Variants in KCNQ1 observed in about 807,000 individuals in gnomAD.
The protein encoded by KCNQ1 is potassium voltage-gated channel subfamily Q member 1.
A neutral mutation model predicts 72.4 loss-of-function variants in KCNQ1; 49 were observed. That is an observed-to-expected ratio of 0.68 (90% confidence interval 0.54 to 0.86). KCNQ1 has a LOEUF of 0.86. Ranked by LOEUF, KCNQ1 falls within the 40% of genes least tolerant of loss-of-function variation. The pLI, the probability that KCNQ1 is intolerant of heterozygous loss-of-function variation, is 0.00. For synonymous variants in KCNQ1, 450 were observed against 412.6 expected (o/e 1.09, Z -1.10); for missense variants, 790 against 945.1 (o/e 0.84, Z 2.15).
intron 2 of KCNQ1, among the ~76,000 whole-genome samples, chr11:2,539,279 A>G (rs1159102969): frequency 2.0e-5 from 3 of 152,194 alleles, no homozygotes; most frequent in Admixed American, 6.5e-5. Flanking sequence ...GAAAGACCCC[A>G]TAATGGCCAG....
Position 2,571,294 on chromosome 11 carries a change from C to T in KCNQ1, c.605-31C>T, listed in dbSNP as rs201858061. 5.1e-5 allele frequency: 81 copies of T among 1,591,834 alleles called. 1 individual carries two copies. The East Asian group carries it at 8.5e-4, about 17-fold the overall frequency. On this transcript the variant is annotated intron_variant, in intron 3 of 15. Transcript: ENST00000155840. ...CCTGGGGCCCTGGCTGTGGCGATCA[C>T]GAAAAGCTCCCCCTCTCCTGCACTC...
At chr11:2,757,735 G>A (rs995978535) in intron 11 of KCNQ1, among the ~76,000 whole-genome samples, 7 of 152,214 alleles carry the variant, frequency 4.6e-5, no homozygotes, top group Admixed American at 3.9e-4. Context: ...AGAACAGAAC[G>A]AGGAATCCAG....
intron 10 of KCNQ1, chr11:2,640,821 T>A (rs890830103): frequency 2.5e-6 from 1 of 398,996 alleles, no homozygotes; most frequent in Non-Finnish European, 4.4e-6. Context: ...CAACCTCTCT[T>A]CACCCTCCAG....
At position 2,613,692 on chromosome 11, in the gene KCNQ1, A is replaced by G. The variant is rs1272017285; in HGVS notation, c.1393+24838A>G. Reference sequence around the variant, plus strand: ...CTCAGAAGTGGTCCCTATCTTGTTAATTTTATTTTTTGAATACATATAACA... The same window carrying G: ...CTCAGAAGTGGTCCCTATCTTGTTAGTTTTATTTTTTGAATACATATAACA... On this transcript the variant is annotated intron_variant, in intron 10 of 15. Transcript: ENST00000155840. This position sits in a 1 kb window ranked among gnomAD's most constrained non-coding sequence, Gnocchi z 4.8. 4 of 398,344 alleles carry G rather than the reference A, an allele frequency of 1.0e-5. No homozygotes were observed. Among genetic ancestry groups the G allele is most frequent in the Middle Eastern group, 6.2e-4 (1 of 1,610 alleles). The allele number at this position is 398,344 out of a possible 1,614,324, so 24.7% of individuals were successfully genotyped here.
At chr11:2,755,411 T>A (rs1382358903) in intron 11 of KCNQ1, among the ~76,000 whole-genome samples, 1 of 152,198 alleles carries the variant, frequency 6.6e-6, no homozygotes, top group Admixed American at 6.5e-5. Flanking sequence ...CCACCGCGCC[T>A]GGCTAATTTT....
intron 2 of KCNQ1, among the ~76,000 whole-genome samples, chr11:2,533,893 T>C (rs554191404): frequency 8.0e-4 from 122 of 152,330 alleles, no homozygotes; most frequent in Non-Finnish European, 1.3e-3. Flanking sequence ...GTGGTGAACA[T>C]ACCAGGGAAT....
intron 11 of KCNQ1, among the ~76,000 whole-genome samples, chr11:2,743,527 C>T (rs1446505062): frequency 6.6e-6 from 1 of 152,168 alleles, no homozygotes; most frequent in Non-Finnish European, 1.5e-5. Context: ...GCATGCAGCT[C>T]CCAGAGGGAG....
intron 10 of KCNQ1, chr11:2,630,142 T>C (rs772682110): frequency 1.8e-5 from 7 of 398,262 alleles, no homozygotes; most frequent in East Asian, 7.1e-5. Flanking sequence ...TGTTGAATTA[T>C]GTGAACTGCA....
chr11:2,759,926 C>A lies in KCNQ1; in HGVS notation c.1515-8918C>A, dbSNP rs1846362643. Among the ~76,000 whole-genome samples, 2 of 152,232 alleles carry A rather than the reference C, an allele frequency of 1.3e-5. No individual in the cohort carries two copies. The highest frequency in any genetic ancestry group is 1.3e-4 in the Admixed American group (2 of 15,290). On this transcript the variant is annotated intron_variant, in intron 11 of 15. Coordinates refer to ENST00000155840, the MANE Select transcript of KCNQ1 (RefSeq NM_000218.3). This position sits in a 1 kb window ranked among gnomAD's most constrained non-coding sequence, Gnocchi z 4.4. ...CAGCCCTCCCACATGCCAGCCCCTA[C>A]CCTGGGCCTCAGGATCTGCCTGGAT...
chr11:2,520,275 C>T (rs1847358883), intron 1 of KCNQ1, among the ~76,000 whole-genome samples: 2 of 152,230 alleles, frequency 1.3e-5, no homozygotes, highest in African/African-American at 4.8e-5. Flanking sequence ...GTCTCCTCAC[C>T]AGGACTTCCA....
intron 11 of KCNQ1, chr11:2,665,706 A>T (rs1358617372): frequency 5.0e-6 from 2 of 398,304 alleles, no homozygotes; most frequent in South Asian, 1.3e-4. Context: ...GGGCATGTAT[A>T]GCCCTCTTGG....
rs564336891 is a variant in KCNQ1 at position 2,709,726 on chromosome 11, G to C, written c.1514+47645G>C. Among the ~76,000 whole-genome samples, 121 of 152,214 alleles carry C rather than the reference G, an allele frequency of 7.9e-4. No homozygotes were observed. The Middle Eastern group carries it at 0.01, about 13-fold the overall frequency. ...CTGTTCTGAACATTTCACATAGCTG[G>C]AATCACACACTAAGCAGACTTTTGT... On this transcript the variant is annotated intron_variant, in intron 11 of 15. Coordinates refer to ENST00000155840, the MANE Select transcript of KCNQ1 (RefSeq NM_000218.3).
chr11:2,842,446 C>G (rs1026702107), intron 15 of KCNQ1, among the ~76,000 whole-genome samples: 5 of 152,214 alleles, frequency 3.3e-5, no homozygotes, highest in African/African-American at 1.2e-4. Context: ...ACCCCCAACT[C>G]CTGTGATGGG....
At chr11:2,770,186 CCA>C (rs1762558860) in intron 12 of KCNQ1, among the ~76,000 whole-genome samples, 1 of 152,174 alleles carries the variant, frequency 6.6e-6, no homozygotes, top group Non-Finnish European at 1.5e-5. Flanking sequence ...ACAGGCCCGC[CCA>C]CAGTCTCCTT....
intron 2 of KCNQ1, among the ~76,000 whole-genome samples, chr11:2,551,147 C>A (rs146111924): frequency 5.9e-5 from 9 of 152,304 alleles, no homozygotes; most frequent in African/African-American, 1.9e-4. Flanking sequence ...GGAAAACTCT[C>A]CCCCTCTGTA....
Position 2,715,317 on chromosome 11 carries a change from C to T in KCNQ1, c.1514+53236C>T, listed in dbSNP as rs942319474. Among the ~76,000 whole-genome samples, 1 of 152,144 alleles carries T rather than the reference C, an allele frequency of 6.6e-6. No individual in the cohort carries two copies. Among genetic ancestry groups the T allele is most frequent in the Non-Finnish European group, 1.5e-5 (1 of 68,020 alleles). ...AAGGGAACCTGTAAAGACCTGCGGG[C>T]TGTGTCATGGAGGGCCCTTACCCCG... On this transcript the variant is annotated intron_variant, in intron 11 of 15. Coordinates refer to ENST00000155840, the MANE Select transcript of KCNQ1 (RefSeq NM_000218.3). This position sits in a 1 kb window ranked among gnomAD's most constrained non-coding sequence, Gnocchi z 4.9.
rs1470723579 is a variant in KCNQ1 at position 2,516,740 on chromosome 11, C to T, written c.387-11188C>T. ...TTATTAGGACACAGCCATGCCCGGC[C>T]GAATATTGCCACAGAGGCCACCTGC... On this transcript the variant is annotated intron_variant, in intron 1 of 15. Coordinates refer to ENST00000155840, the MANE Select transcript of KCNQ1 (RefSeq NM_000218.3). The surrounding 1 kb of genome is among the most constrained non-coding windows in gnomAD (Gnocchi z 7.0). 3.9e-5 allele frequency among the ~76,000 whole-genome samples: 6 copies of T among 152,142 alleles called. No individual in the cohort carries two copies. Among genetic ancestry groups the T allele is most frequent in the South Asian group, 2.1e-4 (1 of 4,830 alleles).
chr11:2,644,762 G>A, intron 10 of KCNQ1: 1 of 398,564 alleles, frequency 2.5e-6, no homozygotes, highest in South Asian at 1.3e-4. Flanking sequence ...CTTTGGTTTT[G>A]ATTCTGGGTG....
rs149262552 is a variant in KCNQ1 at position 2,767,168 on chromosome 11, A to ATGTGTGTG, written c.1515-1666_1515-1659dup. On this transcript the variant is annotated intron_variant, in intron 11 of 15. Transcript: ENST00000155840. The surrounding 1 kb of genome is among the most constrained non-coding windows in gnomAD (Gnocchi z 4.6). Reference sequence around the variant, plus strand: ...GGCAATAGAGCGAGACTCCATCTATATGTGTGTGTGTGTGTGTATTTTTTT... The same window carrying ATGTGTGTG: ...GGCAATAGAGCGAGACTCCATCTATATGTGTGTGTGTGTGTGTGTGTGTGTATTTTTTT... 4.7e-5 allele frequency among the ~76,000 whole-genome samples: 7 copies of ATGTGTGTG among 150,182 alleles called. No homozygotes were observed. Among genetic ancestry groups the ATGTGTGTG allele is most frequent in the South Asian group, 2.1e-4 (1 of 4,754 alleles).
Sources: allele counts gnomAD v4.1 joint callset (sites outside exome capture counted in the v4.1 genomes callset), GRCh38; gene constraint gnomAD v4.1.1; non-coding constraint Gnocchi (gnomAD v3.1); transcripts MANE v1.5; gene names NCBI Gene and HGNC (gene_info 2026-07-23, HGNC 2026-07-21).